The following EXOC6B variants were observed in gnomAD, a reference collection of about 807,000 sequenced individuals.
The protein encoded by EXOC6B is SEC15 homolog B.
Under a neutral mutation model 113.5 loss-of-function variants are expected in EXOC6B, and 54 were observed. The ratio of observed to expected loss-of-function variants is 0.48; its 90% CI spans 0.38 to 0.60. The LOEUF (loss-of-function observed/expected upper bound fraction) is 0.60. Among genes scored for constraint, EXOC6B ranks in the 20% least tolerant of loss-of-function variants. The pLI is 0.00. For synonymous variants in EXOC6B, 357 were observed against 339.0 expected (o/e 1.05, Z -0.58); for missense variants, 797 against 977.5 (o/e 0.82, Z 2.46).
At chr2:72,640,098 A>G (rs1343511386) in intron 6 of EXOC6B, among the ~76,000 whole-genome samples, 1 of 152,218 alleles carries the variant, frequency 6.6e-6, no homozygotes, top group East Asian at 1.9e-4. Context: ...TTGAAATTCA[A>G]TCTAAGGAAG....
At chr2:72,256,402 T>C (rs1020986816) in intron 20 of EXOC6B, among the ~76,000 whole-genome samples, 6 of 152,208 alleles carry the variant, frequency 3.9e-5, no homozygotes, top group Non-Finnish European at 2.9e-5. Context: ...AAAACTTAAG[T>C]GAGTTCAGTT....
At position 72,455,133 on chromosome 2, in the gene EXOC6B, T is replaced by A. The variant is rs562958386; in HGVS notation, c.1980+10027A>T. 1.1e-4 allele frequency among the ~76,000 whole-genome samples: 17 copies of A among 152,306 alleles called. No individual in the cohort carries two copies. The East Asian group carries it at 3.1e-3, about 28-fold the overall frequency. On this transcript the variant is annotated intron_variant, in intron 18 of 21. Coordinates refer to ENST00000272427, the MANE Select transcript of EXOC6B (RefSeq NM_015189.3). The stretch of plus-strand genomic sequence containing the variant: ...AATGAAGAAAAATGTGGTTGTGTCC[T>A]AAAGGATCTGATGCCTCTAGCCCTT...
intron 6 of EXOC6B, among the ~76,000 whole-genome samples, chr2:72,623,405 G>A (rs1671864902): frequency 6.6e-6 from 1 of 152,100 alleles, no homozygotes; most frequent in South Asian, 2.1e-4. Context: ...AGACACCAGG[G>A]TAAATGCTAT....
chr2:72,520,500 C>T (rs4852872), intron 8 of EXOC6B, among the ~76,000 whole-genome samples: 129,594 of 152,188 alleles, frequency 0.85, 55,703 homozygotes, highest in East Asian at 0.99. Context: ...TCTTTGATCC[C>T]TTCTATTCAA....
At chr2:72,751,163 T>A (rs542755216) in intron 1 of EXOC6B, among the ~76,000 whole-genome samples, 1 of 152,146 alleles carries the variant, frequency 6.6e-6, no homozygotes, top group Non-Finnish European at 1.5e-5. Flanking sequence ...ACCTGTGACA[T>A]AGCCTCAGGA....
chr2:72,530,417 A>T lies in EXOC6B; in HGVS notation c.916-15291T>A, dbSNP rs192139850. Among the ~76,000 whole-genome samples the T allele has an allele frequency of 1.1e-3, 164 of 152,180 alleles. 1 individual carries two copies. Among genetic ancestry groups the T allele is most frequent in the Middle Eastern group, 6.8e-3 (2 of 294 alleles). On this transcript the variant is annotated intron_variant, in intron 8 of 21. Transcript: ENST00000272427. ...TTTCAGTTTTGGAGATTTTCTTGTT[A>T]TCGTTGTGTTACTAATTTCTAGTCT...
At chr2:72,547,756 T>A (rs1702989805) in intron 8 of EXOC6B, among the ~76,000 whole-genome samples, 1 of 152,112 alleles carries the variant, frequency 6.6e-6, no homozygotes, top group African/African-American at 2.4e-5. Context: ...AGTTCATAAA[T>A]ATCTACAAGA....
chr2:72,393,681 G>C (rs1456866774), intron 18 of EXOC6B, among the ~76,000 whole-genome samples: 2 of 152,128 alleles, frequency 1.3e-5, no homozygotes, highest in Non-Finnish European at 2.9e-5. Context: ...TTCTGGTCAA[G>C]AATCTTCTAA....
At chr2:72,513,352 G>C in intron 10 of EXOC6B, 100 bp from the exon 11 acceptor site, 1 of 1,431,096 alleles carries the variant, frequency 7.0e-7, no homozygotes, top group Non-Finnish European at 9.5e-7. Flanking sequence ...CAAATGCAAA[G>C]TTAGTGGTCA....
intron 2 of EXOC6B, among the ~76,000 whole-genome samples, chr2:72,739,726 A>G (rs1681186848): frequency 6.6e-6 from 1 of 152,290 alleles, no homozygotes; most frequent in Non-Finnish European, 1.5e-5. Flanking sequence ...CTTACTTTAA[A>G]TGAAAATAGT....
intron 20 of EXOC6B, among the ~76,000 whole-genome samples, chr2:72,210,372 A>G (rs17724205): frequency 0.12 from 18,083 of 152,224 alleles, 1,337 homozygotes; most frequent in Admixed American, 0.16. Flanking sequence ...TCCTAAACAA[A>G]ATGAACACGT....
intron 6 of EXOC6B, among the ~76,000 whole-genome samples, chr2:72,681,672 TAAGC>T (rs1217183050): frequency 6.6e-6 from 1 of 151,954 alleles, no homozygotes; most frequent in Non-Finnish European, 1.5e-5. Flanking sequence ...ACTCTATACT[TAAGC>T]AAGTATATAA....
At chr2:72,263,012 C>A (rs1683833052) in intron 20 of EXOC6B, among the ~76,000 whole-genome samples, 1 of 152,088 alleles carries the variant, frequency 6.6e-6, no homozygotes, top group Non-Finnish European at 1.5e-5. Flanking sequence ...AAAGCAAGAT[C>A]CAAAGTTGGG....
At chr2:72,430,578 C>G (rs1486581257) in intron 18 of EXOC6B, among the ~76,000 whole-genome samples, 1 of 152,176 alleles carries the variant, frequency 6.6e-6, no homozygotes, top group Non-Finnish European at 1.5e-5. Context: ...ACCTGGGAGG[C>G]AGAGGTTTCA....
intron 19 of EXOC6B, among the ~76,000 whole-genome samples, chr2:72,355,047 C>T (rs1689891633): frequency 6.6e-6 from 1 of 152,108 alleles, no homozygotes; most frequent in African/African-American, 2.4e-5. Flanking sequence ...AGTTGTGTGC[C>T]TGAGAAAATG....
chr2:72,194,048 C>A (rs1679010772), intron 20 of EXOC6B, among the ~76,000 whole-genome samples: 1 of 152,088 alleles, frequency 6.6e-6, no homozygotes, highest in African/African-American at 2.4e-5. Context: ...CAGTCTTTTA[C>A]AGAAAAGGTT....
chr2:72,397,437 G>A (rs1168462990), intron 18 of EXOC6B, among the ~76,000 whole-genome samples: 1 of 151,540 alleles, frequency 6.6e-6, no homozygotes, highest in Non-Finnish European at 1.5e-5. Flanking sequence ...TGGCTAACAC[G>A]GTGAAACCCC....
chr2:72,386,676 C>A lies in EXOC6B; in HGVS notation c.1981-6806G>T, dbSNP rs558869883. 3.9e-5 allele frequency among the ~76,000 whole-genome samples: 6 copies of A among 152,286 alleles called. No homozygotes were observed. The South Asian group carries it at 1.2e-3, about 32-fold the overall frequency. ...CTTTCATGTGTTAAGTGTGTGGGTG[C>A]ACAAAGTGCAAGAGTTGGGATTCAT... On this transcript the variant is annotated intron_variant, in intron 18 of 21. Coordinates refer to ENST00000272427, the MANE Select transcript of EXOC6B (RefSeq NM_015189.3).
intron 18 of EXOC6B, chr2:72,463,376 G>T (rs745337274): frequency 2.0e-5 from 3 of 152,092 alleles, no homozygotes; most frequent in Non-Finnish European, 4.4e-5. Context: ...ATATTAAAAG[G>T]CATCAGGTGC....
Sources: allele counts gnomAD v4.1 joint callset (sites outside exome capture counted in the v4.1 genomes callset), GRCh38; gene constraint gnomAD v4.1.1; transcripts MANE v1.5; gene names NCBI Gene and HGNC (gene_info 2026-07-23, HGNC 2026-07-21).